The following DRD3 variants were observed in gnomAD, a reference collection of about 807,000 sequenced individuals.
DRD3 encodes the protein dopamine receptor D3.
Under a neutral mutation model 36.3 loss-of-function variants are expected in DRD3, and 19 were observed. The ratio of observed to expected loss-of-function variants is 0.52; its 90% CI spans 0.36 to 0.77. The LOEUF (loss-of-function observed/expected upper bound fraction) is 0.77, where lower values mean the gene tolerates loss of function less well. DRD3 is among the 30% of genes least tolerant of loss of function. The probability of loss-of-function intolerance (pLI) is 0.00; values close to 1 mark genes in which losing one functional copy is unlikely to be tolerated. For missense variants in DRD3, 465 were observed against 505.3 expected, an observed-to-expected ratio of 0.92 and a Z score of 0.77; for synonymous variants, 195 against 203.7, an observed-to-expected ratio of 0.96 and a Z score of 0.36.
chr3:114,171,463 G>A (rs16822416), intron 2 of DRD3, among the ~76,000 whole-genome samples: 12,839 of 152,026 alleles, frequency 0.084, 644 homozygotes, highest in South Asian at 0.13. Flanking sequence ...GAAGAGTCCC[G>A]TCACTCAAAT....
In DRD3 at chr3:114,171,876, G is replaced by A. The variant is rs149122773; in HGVS notation, c.117C>T (p.Leu39=). The A allele has an allele frequency of 2.9e-5, 46 of 1,613,542 alleles. 1 individual carries two copies. Among genetic ancestry groups the A allele is most frequent in the Non-Finnish European group, 3.7e-5 (44 of 1,179,742 alleles). Reference sequence around the variant, plus strand: ...CATTGCCGAAGACGATGGCCAGGATGAGCGCGCAGTAGGAGAGGGCATAGT... The same window carrying A: ...CATTGCCGAAGACGATGGCCAGGATAAGCGCGCAGTAGGAGAGGGCATAGT... The part of the protein sequence containing the change: ...HAYYALSYCA[L]ILAIVFGNGL... Residue 39 remains leucine (L), a synonymous_variant, in exon 2 of 7, where the codon CTC becomes CTT. Transcript: ENST00000383673.
chr3:114,128,583 G>T lies in DRD3; in HGVS notation c.*133C>A. ...TTGGAGGACACATCTGGTTATACCTGACAAGCAGGGACATCCTGGCTCCAG... is the reference window on the plus strand; with the variant it reads ...TTGGAGGACACATCTGGTTATACCTTACAAGCAGGGACATCCTGGCTCCAG... On this transcript the variant is annotated 3_prime_UTR_variant, in exon 7 of 7. Transcript: ENST00000383673. 1 of 886,484 alleles carries T rather than the reference G, an allele frequency of 1.1e-6. No individual in the cohort carries two copies. Among genetic ancestry groups the T allele is most frequent in the Non-Finnish European group, 1.6e-6 (1 of 607,164 alleles). The allele number at this position is 886,484 out of a possible 1,614,324, so 54.9% of individuals were successfully genotyped here. A position where few individuals can be genotyped will look rare whatever the true frequency, so the allele number is the denominator to read the frequency against.
chr3:114,153,844 T>C lies in DRD3; in HGVS notation c.383+5911A>G, dbSNP rs546529592. ...CACCTTTATTTATATAGTGAGGGTA[T>C]TACATCTCTCTCTCTGGGTTGTCGT... On this transcript the variant is annotated intron_variant, in intron 3 of 6. Transcript: ENST00000383673. 2.0e-5 allele frequency among the ~76,000 whole-genome samples: 3 copies of C among 152,208 alleles called. 1 individual carries two copies. The highest frequency in any genetic ancestry group is 2.0e-4 in the Admixed American group (3 of 15,292).
At chr3:114,176,191 T>C (rs2077897152) in intron 1 of DRD3, 1 of 152,252 alleles carries the variant, frequency 6.6e-6, no homozygotes, top group Non-Finnish European at 1.5e-5. Flanking sequence ...ATTTGTTCTC[T>C]TTCTGTAAGA....
Position 114,156,819 on chromosome 3 carries a change from TTTTC to T in DRD3, c.383+2932_383+2935del, listed in dbSNP as rs1252237580. 6.1e-4 allele frequency among the ~76,000 whole-genome samples: 40 copies of T among 65,678 alleles called. 1 individual carries two copies. Among genetic ancestry groups the T allele is most frequent in the Admixed American group, 3.8e-3 (17 of 4,532 alleles). The allele number at this position is 65,678 out of a possible 152,430, so 43.1% of individuals were successfully genotyped here. ...TCTTTCTCTTTTCTTTTTCTTTCTT[TTTTC>T]TTTCTTTCTTTCCTTTCTTTCTTTT... On this transcript the variant is annotated intron_variant, in intron 3 of 6. Coordinates refer to ENST00000383673, the MANE Select transcript of DRD3 (RefSeq NM_000796.6).
At chr3:114,139,856 G>A (rs1015223404) in intron 4 of DRD3, among the ~76,000 whole-genome samples, 160 bp from the exon 5 acceptor site, 1 of 152,180 alleles carries the variant, frequency 6.6e-6, no homozygotes, top group African/African-American at 2.4e-5. Context: ...GGTCCTTGAG[G>A]GTAGAAGGTC....
At chr3:114,146,449 G>A (rs1430626284) in intron 4 of DRD3, among the ~76,000 whole-genome samples, 2 of 152,110 alleles carry the variant, frequency 1.3e-5, no homozygotes, top group African/African-American at 2.4e-5. Context: ...CGAACGCGGT[G>A]GCTCACACTT....
intron 3 of DRD3, among the ~76,000 whole-genome samples, chr3:114,155,976 T>C (rs1420998993): frequency 1.3e-5 from 2 of 152,158 alleles, no homozygotes; most frequent in East Asian, 3.9e-4. Context: ...TCCATCCATC[T>C]CATAGCTCCA....
chr3:114,156,715 G>GTCTTTCTTTCTTTCTTTCTT (rs1328717527), intron 3 of DRD3, among the ~76,000 whole-genome samples: 2 of 80,282 alleles, frequency 2.5e-5, no homozygotes, highest in African/African-American at 1.0e-4. Context: ...TGGCTTGCCT[G>GTCTTTCTTTCTTTCTTTCTT]TCTTTCTTTC....
intron 1 of DRD3, among the ~76,000 whole-genome samples, chr3:114,195,156 G>T (rs568271463): frequency 6.6e-6 from 1 of 152,316 alleles, no homozygotes; most frequent in South Asian, 2.1e-4. Context: ...AGCCATGGAG[G>T]AGCTTATAAA....
intron 1 of DRD3, among the ~76,000 whole-genome samples, chr3:114,194,897 T>G (rs2107907620): frequency 6.6e-6 from 1 of 152,256 alleles, no homozygotes; most frequent in South Asian, 2.1e-4. Context: ...TTACTAATGT[T>G]CAGAGAAAAT....
intron 5 of DRD3, among the ~76,000 whole-genome samples, chr3:114,138,431 C>T (rs1202110174): frequency 6.6e-6 from 1 of 152,126 alleles, no homozygotes; most frequent in Non-Finnish European, 1.5e-5. Flanking sequence ...GCACGTCTTA[C>T]ATGGCAGCAG....
At chr3:114,192,927 C>T (rs1258626402) in intron 1 of DRD3, among the ~76,000 whole-genome samples, 2 of 152,106 alleles carry the variant, frequency 1.3e-5, no homozygotes, top group Non-Finnish European at 2.9e-5. Context: ...CCTTTTACCC[C>T]ACTTCGTCTT....
intron 2 of DRD3, among the ~76,000 whole-genome samples, chr3:114,169,739 G>A (rs2077821727): frequency 6.6e-6 from 1 of 152,138 alleles, no homozygotes; most frequent in Non-Finnish European, 1.5e-5. Flanking sequence ...AGGAGCACCA[G>A]TATATCAGAA....
chr3:114,188,836 A>AT (rs761716958), intron 1 of DRD3, among the ~76,000 whole-genome samples: 5 of 152,218 alleles, frequency 3.3e-5, no homozygotes, highest in South Asian at 2.1e-4. Context: ...AAAATGTGGA[A>AT]TTTTTGCTAG....
rs1336159721 is a variant in DRD3 at position 114,178,975 on chromosome 3, G to C, written c.-354C>G. 6.6e-6 allele frequency: 1 copy of C among 152,152 alleles called. No individual in the cohort carries two copies. Among genetic ancestry groups the C allele is most frequent in the Non-Finnish European group, 1.5e-5 (1 of 68,026 alleles). The allele number at this position is 152,152 out of a possible 1,614,324, so 9.4% of individuals were successfully genotyped here. On this transcript the variant is annotated 5_prime_UTR_variant, in exon 1 of 7. Coordinates refer to ENST00000383673, the MANE Select transcript of DRD3 (RefSeq NM_000796.6). ...CAGCCGCTCAGAGGTTCTGTCCTTG[G>C]TGCTGAAAGAGGGATGGAGTAGGCA...
At chr3:114,158,291 T>A (rs1577605472) in intron 3 of DRD3, among the ~76,000 whole-genome samples, 3 of 152,170 alleles carry the variant, frequency 2.0e-5, no homozygotes, top group African/African-American at 7.2e-5. Context: ...CATAAGTCTG[T>A]AAACATACCA....
chr3:114,162,102 G>A (rs143887298), intron 2 of DRD3, among the ~76,000 whole-genome samples: 37 of 152,236 alleles, frequency 2.4e-4, no homozygotes, highest in Middle Eastern at 3.4e-3. Context: ...GTGTTGAGAG[G>A]TTTTACAAAA....
chr3:114,138,186 A>AAAAAG (rs2077492303), intron 5 of DRD3, among the ~76,000 whole-genome samples: 1 of 150,748 alleles, frequency 6.6e-6, no homozygotes, highest in African/African-American at 2.5e-5. Flanking sequence ...AAAAAAAAAA[A>AAAAAG]AAAGATTATC....
Sources: allele counts gnomAD v4.1 joint callset (sites outside exome capture counted in the v4.1 genomes callset), GRCh38; gene constraint gnomAD v4.1.1; transcripts MANE v1.5; gene names NCBI Gene and HGNC (gene_info 2026-07-23, HGNC 2026-07-21).